The following ERBIN variants were observed in gnomAD, a reference collection of about 807,000 sequenced individuals.
The protein encoded by ERBIN is densin-180-like protein.
ERBIN carries 60 observed loss-of-function variants against 158.4 expected under a neutral mutation model. The ratio of observed to expected loss-of-function variants is 0.38; its 90% CI spans 0.31 to 0.47. The LOEUF is 0.47. ERBIN is among the 20% of genes least tolerant of loss of function. ERBIN has a pLI of 0.99. For missense variants in ERBIN, 1,610 were observed against 1,648.0 expected (o/e 0.98, Z 0.40); for synonymous variants, 594 against 557.2 (o/e 1.07, Z -0.93).
Position 66,054,407 on chromosome 5 carries a change from T to C in ERBIN, c.3089T>C (p.Phe1030Ser). ...GCTAAACATTCTGCCAATATGAATT[T>C]CTCTAATCATAACAATGTTCGAGCT... ...SYAKHSANMN[F>S]SNHNNVRANT... The change falls in exon 21 of 26, where the codon TTC (phenylalanine) becomes TCC (serine). Residue 1030 changes from phenylalanine to serine, a missense_variant. Phe to Ser is a radical substitution (Grantham distance 155). This residue lies in a region of ERBIN where 1,014 missense variants were observed against 936.1 expected (regional missense o/e 1.08). Coordinates refer to ENST00000284037, the MANE Select transcript of ERBIN (RefSeq NM_001253697.2). 2.5e-6 allele frequency: 4 copies of C among 1,614,152 alleles called. No homozygotes were observed. The highest frequency in any genetic ancestry group is 3.4e-6 in the Non-Finnish European group (4 of 1,180,022).
At chr5:65,935,996 G>A (rs914584265) in intron 1 of ERBIN, among the ~76,000 whole-genome samples, 2 of 152,040 alleles carry the variant, frequency 1.3e-5, no homozygotes, top group Non-Finnish European at 2.9e-5. Flanking sequence ...CAAAGTACTG[G>A]GATTACAGGT....
At chr5:65,976,107 G>A (rs192998963) in intron 1 of ERBIN, among the ~76,000 whole-genome samples, 39 of 152,320 alleles carry the variant, frequency 2.6e-4, no homozygotes, top group Non-Finnish European at 4.1e-4. Flanking sequence ...AAGTGAACTG[G>A]TGGAATACCT....
At chr5:65,960,858 A>AT (rs1027706041) in intron 1 of ERBIN, among the ~76,000 whole-genome samples, 10 of 151,384 alleles carry the variant, frequency 6.6e-5, no homozygotes, top group East Asian at 1.9e-4. Flanking sequence ...GATAATTATA[A>AT]TTTTTTTTTC....
chr5:66,022,536 T>C (rs1755812396), intron 8 of ERBIN, among the ~76,000 whole-genome samples: 1 of 152,214 alleles, frequency 6.6e-6, no homozygotes, highest in Non-Finnish European at 1.5e-5. Flanking sequence ...TTAGATGTGA[T>C]AGTACTCTGT....
At chr5:65,952,032 A>G (rs2150925724) in intron 1 of ERBIN, among the ~76,000 whole-genome samples, 1 of 152,294 alleles carries the variant, frequency 6.6e-6, no homozygotes, top group South Asian at 2.1e-4. Flanking sequence ...GATTTTCCCA[A>G]TAGAATGTAA....
intron 1 of ERBIN, among the ~76,000 whole-genome samples, chr5:65,934,907 TG>T: frequency 6.6e-6 from 1 of 152,332 alleles, no homozygotes; most frequent in Admixed American, 6.5e-5. Context: ...TTTTCTTTTT[TG>T]TTTTTGATAC....
At chr5:65,935,763 C>T (rs907304922) in intron 1 of ERBIN, among the ~76,000 whole-genome samples, 3 of 152,066 alleles carry the variant, frequency 2.0e-5, no homozygotes, top group South Asian at 4.1e-4. Context: ...CTCGCTCTGT[C>T]GCCCAGGCTG....
chr5:66,064,354 T>C (rs908637432), intron 21 of ERBIN, among the ~76,000 whole-genome samples: 1 of 152,234 alleles, frequency 6.6e-6, no homozygotes, highest in Non-Finnish European at 1.5e-5. Context: ...ATATAAAGTT[T>C]ATTTGGTATT....
intron 21 of ERBIN, among the ~76,000 whole-genome samples, chr5:66,055,842 A>T (rs570934506): frequency 3.3e-5 from 5 of 152,196 alleles, no homozygotes. Flanking sequence ...CCTAAAATAT[A>T]TTAGTACCTC....
At chr5:65,928,183 C>T (rs902687110) in intron 1 of ERBIN, among the ~76,000 whole-genome samples, 4 of 151,796 alleles carry the variant, frequency 2.6e-5, no homozygotes, top group Admixed American at 2.6e-4. Flanking sequence ...CAAAGGCAGT[C>T]CTTTATTTAT....
chr5:65,934,801 A>AT (rs924134566), intron 1 of ERBIN, among the ~76,000 whole-genome samples: 58 of 152,292 alleles, frequency 3.8e-4, no homozygotes, highest in Non-Finnish European at 8.5e-4. Flanking sequence ...ACTTATTTAC[A>AT]TGTACCTAGG....
At chr5:65,976,942 C>T (rs1349872894) in intron 1 of ERBIN, among the ~76,000 whole-genome samples, 1 of 152,088 alleles carries the variant, frequency 6.6e-6, no homozygotes, top group Non-Finnish European at 1.5e-5. Flanking sequence ...GGCAGCCATC[C>T]GATTTCTCAA....
At chr5:65,999,897 A>C (rs144397401) in intron 4 of ERBIN, among the ~76,000 whole-genome samples, 22 of 152,342 alleles carry the variant, frequency 1.4e-4, no homozygotes, top group African/African-American at 5.1e-4. Context: ...GGATGTTGAC[A>C]CATAATCCAG....
intron 7 of ERBIN, among the ~76,000 whole-genome samples, chr5:66,016,867 G>T (rs920585603): frequency 6.6e-6 from 1 of 151,884 alleles, no homozygotes; most frequent in Non-Finnish European, 1.5e-5. Context: ...CGCCCTCCTC[G>T]GCTTCCCAGA....
chr5:66,017,815 C>A (rs1284535716), intron 7 of ERBIN, among the ~76,000 whole-genome samples: 4 of 152,068 alleles, frequency 2.6e-5, no homozygotes, highest in Non-Finnish European at 5.9e-5. Flanking sequence ...TTCATAGTTT[C>A]AGGTGTTAGA....
chr5:66,022,383 A>G (rs1229930431), intron 8 of ERBIN, among the ~76,000 whole-genome samples: 3 of 152,236 alleles, frequency 2.0e-5, no homozygotes. Flanking sequence ...TACACTTTTT[A>G]AAACTTACAG....
intron 1 of ERBIN, among the ~76,000 whole-genome samples, chr5:65,933,794 T>C (rs1416892117): frequency 6.6e-6 from 1 of 152,240 alleles, no homozygotes; most frequent in African/African-American, 2.4e-5. Context: ...TATTTTTAAA[T>C]TAAATTTTAA....
intron 1 of ERBIN, among the ~76,000 whole-genome samples, chr5:65,952,013 T>G (rs1425370471): frequency 6.6e-6 from 1 of 152,206 alleles, no homozygotes; most frequent in Non-Finnish European, 1.5e-5. Flanking sequence ...ATAGATTTTC[T>G]GCTTGTGTGA....
chr5:65,975,409 G>A (rs1278385669), intron 1 of ERBIN, among the ~76,000 whole-genome samples: 2 of 152,064 alleles, frequency 1.3e-5, no homozygotes, highest in South Asian at 2.1e-4. Flanking sequence ...AGGTTCAAGC[G>A]ATTGTCTTGC....
Sources: allele counts gnomAD v4.1 joint callset (sites outside exome capture counted in the v4.1 genomes callset), GRCh38; gene constraint gnomAD v4.1.1; regional missense constraint gnomAD v4.1.1; transcripts MANE v1.5; gene names NCBI Gene and HGNC (gene_info 2026-07-23, HGNC 2026-07-21).